The following KCNH8 variants were observed in gnomAD, a reference collection of about 807,000 sequenced individuals.
KCNH8 encodes potassium voltage-gated channel subfamily H member 8.
In KCNH8, 70 loss-of-function variants were observed where a neutral mutation model predicts 103.6. The ratio of observed to expected loss-of-function variants is 0.68; its 90% CI spans 0.56 to 0.82. The LOEUF (loss-of-function observed/expected upper bound fraction) is 0.82, where lower values mean the gene tolerates loss of function less well. KCNH8 is among the 40% of genes least tolerant of loss of function. The pLI is 0.00. For missense variants in KCNH8, 1,217 were observed against 1,329.9 expected (o/e 0.92, Z 1.32); for synonymous variants, 498 against 489.4 (o/e 1.02, Z -0.23).
At chr3:19,403,235 C>A (rs2066639467) in intron 7 of KCNH8, among the ~76,000 whole-genome samples, 1 of 150,888 alleles carries the variant, frequency 6.6e-6, no homozygotes, top group Non-Finnish European at 1.5e-5. Context: ...TTTTGAAAAT[C>A]TTTGACCTTT....
At chr3:19,524,695 T>C (rs1420944641) in intron 15 of KCNH8, among the ~76,000 whole-genome samples, 2 of 151,988 alleles carry the variant, frequency 1.3e-5, no homozygotes, top group African/African-American at 4.8e-5. Context: ...TTGCTTATGA[T>C]TGCTTATAGA....
At chr3:19,156,480 G>C (rs1395953179) in intron 1 of KCNH8, among the ~76,000 whole-genome samples, 1 of 152,064 alleles carries the variant, frequency 6.6e-6, no homozygotes, top group African/African-American at 2.4e-5. Flanking sequence ...TATGCTGTTT[G>C]TTCCCCTTTG....
intron 3 of KCNH8, among the ~76,000 whole-genome samples, chr3:19,311,197 C>T (rs1037870065): frequency 9.9e-5 from 15 of 151,680 alleles, no homozygotes; most frequent in Admixed American, 6.6e-5. Context: ...ATAATGACAA[C>T]TAACATTGAT....
At chr3:19,206,356 C>T (rs1474387617) in intron 1 of KCNH8, among the ~76,000 whole-genome samples, 1 of 151,230 alleles carries the variant, frequency 6.6e-6, no homozygotes, top group Non-Finnish European at 1.5e-5. Flanking sequence ...AATTGTGCTG[C>T]TATAAACGTG....
intron 7 of KCNH8, among the ~76,000 whole-genome samples, chr3:19,406,743 AT>A (rs2066697660): frequency 6.6e-6 from 1 of 152,152 alleles, no homozygotes; most frequent in Non-Finnish European, 1.5e-5. Flanking sequence ...TTTAGAGATA[AT>A]ATATTCTAAA....
At chr3:19,257,997 G>A (rs899461717) in intron 2 of KCNH8, among the ~76,000 whole-genome samples, 5 of 151,988 alleles carry the variant, frequency 3.3e-5, no homozygotes, top group South Asian at 2.1e-4. Flanking sequence ...TTACATATAG[G>A]TCTCCCTATG....
In KCNH8 at chr3:19,535,266, G is replaced by A. The variant is rs1018125575; in HGVS notation, c.*1167G>A. On this transcript the variant is annotated 3_prime_UTR_variant, in exon 16 of 16. Coordinates refer to ENST00000328405, the MANE Select transcript of KCNH8 (RefSeq NM_144633.3). ...GACTTCTGAGCTATAACTTGTGGGA[G>A]TAATACCAGCTTGCAATGGGTCAGC... 6.6e-6 allele frequency: 1 copy of A among 152,176 alleles called. No homozygotes were observed. The highest frequency in any genetic ancestry group is 2.4e-5 in the African/African-American group (1 of 41,430). The allele number at this position is 152,176 out of a possible 1,614,324, so 9.4% of individuals were successfully genotyped here.
intron 3 of KCNH8, among the ~76,000 whole-genome samples, chr3:19,293,056 G>A (rs1380577760): frequency 6.6e-6 from 1 of 152,158 alleles, no homozygotes; most frequent in Non-Finnish European, 1.5e-5. Context: ...ATTGGGTCAG[G>A]CAATCTAGAG....
intron 13 of KCNH8, 34 bp from the exon 14 acceptor site, chr3:19,515,288 T>C (rs777660198): frequency 5.9e-5 from 72 of 1,211,380 alleles, no homozygotes; most frequent in Non-Finnish European, 8.0e-5. Flanking sequence ...TGAATATGAA[T>C]CCACAGCCAG....
At chr3:19,226,477 A>ATCCC (rs2063932692) in intron 1 of KCNH8, among the ~76,000 whole-genome samples, 1 of 152,104 alleles carries the variant, frequency 6.6e-6, no homozygotes, top group South Asian at 2.1e-4. Flanking sequence ...TGTCTTGGTA[A>ATCCC]GGTCTTGACA....
chr3:19,369,652 G>A (rs1158120245), intron 5 of KCNH8, among the ~76,000 whole-genome samples: 1 of 151,756 alleles, frequency 6.6e-6, no homozygotes, highest in Non-Finnish European at 1.5e-5. Flanking sequence ...GTTGGAAATT[G>A]AACTCATCAT....
chr3:19,228,949 C>T (rs2063963625), intron 1 of KCNH8, among the ~76,000 whole-genome samples: 1 of 152,208 alleles, frequency 6.6e-6, no homozygotes, highest in African/African-American at 2.4e-5. Context: ...AGTCATGCAG[C>T]GAAGCCGGAT....
intron 5 of KCNH8, among the ~76,000 whole-genome samples, chr3:19,357,736 C>G (rs1032446343): frequency 6.6e-6 from 1 of 151,730 alleles, no homozygotes; most frequent in South Asian, 2.1e-4. Context: ...AGCTAAGTGT[C>G]AAAAGTAACA....
intron 1 of KCNH8, among the ~76,000 whole-genome samples, chr3:19,250,655 G>A (rs1413084118): frequency 2.0e-5 from 3 of 152,118 alleles, no homozygotes; most frequent in South Asian, 2.1e-4. Context: ...AGACCATCTC[G>A]ATCTATTTTT....
intron 5 of KCNH8, among the ~76,000 whole-genome samples, chr3:19,372,260 C>A (rs1219344410): frequency 1.3e-5 from 2 of 151,926 alleles, no homozygotes; most frequent in Non-Finnish European, 2.9e-5. Flanking sequence ...AATGTTCTTC[C>A]ATTTGTTTGT....
intron 9 of KCNH8, 144 bp downstream of exon 9, chr3:19,450,449 C>T (rs2067430379): frequency 4.3e-6 from 3 of 691,488 alleles, no homozygotes; most frequent in Non-Finnish European, 7.4e-6. Context: ...GAATCCCAAT[C>T]CATCTTCTTT....
At chr3:19,169,558 A>C (rs2063320609) in intron 1 of KCNH8, among the ~76,000 whole-genome samples, 1 of 151,564 alleles carries the variant, frequency 6.6e-6, no homozygotes, top group South Asian at 2.1e-4. Flanking sequence ...GCCTAGTCTC[A>C]CTCTTTTCTA....
intron 15 of KCNH8, among the ~76,000 whole-genome samples, chr3:19,518,542 C>G (rs1373102597): frequency 6.6e-6 from 1 of 151,934 alleles, no homozygotes; most frequent in Non-Finnish European, 1.5e-5. Flanking sequence ...ACCTTGGGTA[C>G]TTTACCTCTC....
chr3:19,218,909 G>T (rs776051912), intron 1 of KCNH8, among the ~76,000 whole-genome samples: 12 of 152,068 alleles, frequency 7.9e-5, no homozygotes, highest in Non-Finnish European at 1.6e-4. Flanking sequence ...ATTGGATTAG[G>T]GGCCCACCTT....
Sources: gnomAD v4.1 joint callset for allele counts (sites outside exome capture counted in the v4.1 genomes callset) on GRCh38, gnomAD v4.1.1 for gene constraint, MANE v1.5 for transcripts, NCBI Gene and HGNC (gene_info 2026-07-23, HGNC 2026-07-21) for gene names.